BCKDHB: variants seen among roughly 807,000 people sequenced by gnomAD.
The protein encoded by BCKDHB is 2-oxoisovalerate dehydrogenase subunit beta, mitochondrial.
BCKDHB carries 41 observed loss-of-function variants against 48.5 expected under a neutral mutation model. That is an observed-to-expected ratio of 0.85 (90% CI 0.66 to 1.10). The LOEUF is 1.10. Among genes scored for constraint, BCKDHB ranks in the 50% least tolerant of loss-of-function variants. The pLI is 0.00. For missense variants in BCKDHB, 496 were observed against 494.2 expected (o/e 1.00, Z -0.03); for synonymous variants, 201 against 174.8 (o/e 1.15, Z -1.18).
chr6:80,428,775 T>G, the BCKDHB span, among the ~76,000 whole-genome samples: 2 of 152,188 alleles, frequency 1.3e-5, no homozygotes. Flanking sequence ...ATATTAGCCC[T>G]TTGTCAGATG....
chr6:80,190,917 A>G (rs902191537), intron 6 of BCKDHB, among the ~76,000 whole-genome samples: 5 of 152,156 alleles, frequency 3.3e-5, no homozygotes, highest in Admixed American at 3.3e-4. Flanking sequence ...GCTGTGTTGC[A>G]GTGACCGTTG....
At chr6:80,443,956 C>A in the BCKDHB span, among the ~76,000 whole-genome samples, 1 of 151,464 alleles carries the variant, frequency 6.6e-6, no homozygotes, top group Non-Finnish European at 1.5e-5. Flanking sequence ...ACTGATTGAA[C>A]CAAGTTTAAA....
At chr6:80,156,804 T>G (rs1319721271) in intron 3 of BCKDHB, among the ~76,000 whole-genome samples, 1 of 152,190 alleles carries the variant, frequency 6.6e-6, no homozygotes, top group African/African-American at 2.4e-5. Flanking sequence ...AAATATATTA[T>G]CAAACTCAAA....
chr6:80,348,195 C>A (rs1770293188), downstream of BCKDHB, among the ~76,000 whole-genome samples: 1 of 149,116 alleles, frequency 6.7e-6, no homozygotes, highest in Admixed American at 6.6e-5. Context: ...ATATAGCTAA[C>A]TAAAAGTTCT....
chr6:80,171,030 G>A (rs565154202), intron 5 of BCKDHB, among the ~76,000 whole-genome samples: 1 of 152,074 alleles, frequency 6.6e-6, no homozygotes, highest in South Asian at 2.1e-4. Context: ...ATATAGGCAA[G>A]TTTAGCTTCT....
chr6:80,459,722 G>T, the BCKDHB span, among the ~76,000 whole-genome samples: 3 of 152,210 alleles, frequency 2.0e-5, no homozygotes, highest in Non-Finnish European at 4.4e-5. Flanking sequence ...GCTTCACCTT[G>T]TGGAAAGTTG....
At chr6:80,259,308 G>T (rs1777190166) in intron 8 of BCKDHB, among the ~76,000 whole-genome samples, 1 of 152,182 alleles carries the variant, frequency 6.6e-6, no homozygotes, top group African/African-American at 2.4e-5. Flanking sequence ...TGTCACTGAT[G>T]CAGTCAGTTG....
At chr6:80,417,034 T>A in the BCKDHB span, among the ~76,000 whole-genome samples, 1 of 152,176 alleles carries the variant, frequency 6.6e-6, no homozygotes, top group African/African-American at 2.4e-5. Flanking sequence ...ATCTGGGTGC[T>A]CCTGTGTTGG....
chr6:80,175,005 G>A (rs1279707846), intron 6 of BCKDHB, among the ~76,000 whole-genome samples: 3 of 152,190 alleles, frequency 2.0e-5, no homozygotes, highest in African/African-American at 4.8e-5. Context: ...AAGGCCTCAA[G>A]TAATATGGAA....
At chr6:80,457,687 C>G in the BCKDHB span, among the ~76,000 whole-genome samples, 81 of 152,334 alleles carry the variant, frequency 5.3e-4, 2 homozygotes, top group South Asian at 2.1e-3. Context: ...TGAGACCTGT[C>G]TCATCTACCG....
At chr6:80,332,163 A>G (rs1988589) in intron 9 of BCKDHB, among the ~76,000 whole-genome samples, 117,923 of 151,956 alleles carry the variant, frequency 0.78, 46,137 homozygotes, top group Admixed American at 0.84. Context: ...TGTGTGTACA[A>G]CTAGCTTTAC....
At chr6:80,451,490 T>C in the BCKDHB span, among the ~76,000 whole-genome samples, 136,059 of 152,140 alleles carry the variant, frequency 0.89, 61,045 homozygotes, top group East Asian at 0.95. Context: ...GTAACCCCAG[T>C]ACTTTGGGAG....
intron 8 of BCKDHB, among the ~76,000 whole-genome samples, chr6:80,268,116 G>C (rs528422122): frequency 6.6e-6 from 1 of 152,168 alleles, no homozygotes; most frequent in African/African-American, 2.4e-5. Flanking sequence ...AGGTCATGCT[G>C]ATTAACAAAT....
At chr6:80,240,635 T>A (rs1776344804) in intron 8 of BCKDHB, among the ~76,000 whole-genome samples, 1 of 152,188 alleles carries the variant, frequency 6.6e-6, no homozygotes, top group African/African-American at 2.4e-5. Flanking sequence ...ACTTCCTCAT[T>A]TCCTAATTGA....
At chr6:80,215,827 C>T (rs550367449) in intron 8 of BCKDHB, among the ~76,000 whole-genome samples, 12 of 152,254 alleles carry the variant, frequency 7.9e-5, no homozygotes, top group East Asian at 1.9e-4. Flanking sequence ...CTGCAATCTC[C>T]GCCTCTGGGG....
chr6:80,321,506 T>C (rs1406748181), intron 9 of BCKDHB, among the ~76,000 whole-genome samples: 1 of 152,184 alleles, frequency 6.6e-6, no homozygotes, highest in African/African-American at 2.4e-5. Flanking sequence ...GGTGTTGGAT[T>C]CCTTATGTGT....
At chr6:80,166,557 G>A (rs535981942) in intron 3 of BCKDHB, among the ~76,000 whole-genome samples, 1 of 152,008 alleles carries the variant, frequency 6.6e-6, no homozygotes, top group South Asian at 2.1e-4. Context: ...TCGGGTGGCT[G>A]AGGCAGGAGA....
the BCKDHB span, among the ~76,000 whole-genome samples, chr6:80,405,823 C>T: frequency 5.3e-5 from 8 of 152,046 alleles, no homozygotes; most frequent in Non-Finnish European, 1.0e-4. Context: ...CACTTCCTTG[C>T]TCTCCATGTC....
At chr6:80,173,463 T>C (rs13195743) in intron 6 of BCKDHB, among the ~76,000 whole-genome samples, 1,955 of 152,262 alleles carry the variant, frequency 0.013, 19 homozygotes, top group Non-Finnish European at 0.021. Flanking sequence ...CTCTAGATGG[T>C]TGTCTAAGTT....
Sources: allele counts gnomAD v4.1 joint callset (sites outside exome capture counted in the v4.1 genomes callset), GRCh38; gene constraint gnomAD v4.1.1; transcripts MANE v1.5; gene names NCBI Gene and HGNC (gene_info 2026-07-23, HGNC 2026-07-21).